The following PPIP5K2 variants were observed in gnomAD, a reference collection of about 807,000 sequenced individuals.
PPIP5K2 encodes the protein inositol hexakisphosphate and diphosphoinositol-pentakisphosphate kinase 2.
In PPIP5K2, 105 loss-of-function variants were observed where a neutral mutation model predicts 154.6. The observed-to-expected ratio is 0.68, with a 90% CI of 0.58 to 0.80. The LOEUF is 0.80. Among genes scored for constraint, PPIP5K2 ranks in the 30% least tolerant of loss-of-function variants. The pLI is 0.00. For synonymous variants in PPIP5K2, 480 were observed against 490.3 expected (o/e 0.98, Z 0.28); for missense variants, 992 against 1,504.6 (o/e 0.66, Z 5.64).
rs1320124924 is a variant in PPIP5K2, at chr5:103,211,140, G to A, written c.*9506G>A. On this transcript the variant is annotated 3_prime_UTR_variant, in exon 31 of 31. Coordinates refer to ENST00000358359, the MANE Select transcript of PPIP5K2 (RefSeq NM_001276277.3). ...ATCTGTAAAGTGAGATCTGGGTTCTGACCTATCTCTTACAGTCCATAATGT... is the reference window on the plus strand; with the variant it reads ...ATCTGTAAAGTGAGATCTGGGTTCTAACCTATCTCTTACAGTCCATAATGT... The A allele has an allele frequency of 6.6e-6, 1 of 152,004 alleles. No individual in the cohort carries two copies. Among genetic ancestry groups the A allele is most frequent in the Admixed American group, 6.6e-5 (1 of 15,260 alleles). The allele number at this position is 152,004 out of a possible 1,614,324, so 9.4% of individuals were successfully genotyped here. A position where few individuals can be genotyped will look rare whatever the true frequency, so the allele number is the denominator to read the frequency against.
intron 30 of PPIP5K2, 128 bp downstream of exon 30, chr5:103,195,153 G>C: frequency 8.4e-7 from 1 of 1,184,130 alleles, no homozygotes; most frequent in Non-Finnish European, 1.1e-6. Context: ...TGATCCTAAG[G>C]GTTAAAAATC....
rs543975248 is a variant in PPIP5K2, at chr5:103,161,604, C to T, written c.1920+2276C>T. 6.6e-5 allele frequency among the ~76,000 whole-genome samples: 10 copies of T among 152,302 alleles called. No individual in the cohort carries two copies. In the East Asian group the frequency reaches 1.7e-3, roughly 26 times the overall value. On this transcript the variant is annotated intron_variant, in intron 17 of 30. Coordinates refer to ENST00000358359, the MANE Select transcript of PPIP5K2 (RefSeq NM_001276277.3). ...GTGTAAAAGTGTTCCTATTTCTCCA[C>T]ATCCTCTCCAGCACCTGTTGTTTCC...
Position 103,201,689 on chromosome 5 carries a change from T to C in PPIP5K2, c.*55T>C. 8.2e-7 allele frequency: 1 copy of C among 1,219,018 alleles called. No homozygotes were observed. The highest frequency in any genetic ancestry group is 1.2e-6 in the Non-Finnish European group (1 of 863,934). The allele number at this position is 1,219,018 out of a possible 1,614,324, so 75.5% of individuals were successfully genotyped here. ...CTTATAAAAATAGTATGTTCTTATG[T>C]TTCTCCTTATGCATTTATGTGTTCA... is the stretch of plus-strand genomic sequence containing the variant. On this transcript the variant is annotated 3_prime_UTR_variant, in exon 31 of 31. Coordinates refer to ENST00000358359, the MANE Select transcript of PPIP5K2 (RefSeq NM_001276277.3).
chr5:103,183,448 AT>A, intron 25 of PPIP5K2, 41 bp downstream of exon 25: 1 of 1,529,736 alleles, frequency 6.5e-7, no homozygotes, highest in South Asian at 1.2e-5. Flanking sequence ...TCCTCCCTGC[AT>A]TCAGAGCAAC....
chr5:103,122,567 CT>C (rs542085341), intron 1 of PPIP5K2, among the ~76,000 whole-genome samples: 8 of 152,116 alleles, frequency 5.3e-5, no homozygotes, highest in Non-Finnish European at 1.0e-4. Context: ...GCCAGGTTGC[CT>C]TTGCCAGCCT....
Position 103,177,945 on chromosome 5 carries a change from C to A in PPIP5K2, c.2719C>A (p.Pro907Thr). ...AGGTTGTGAAGAAGACAAAAATTTG[C>A]CATCTGGCTATGGATATAGACCAGC... ...AKGCEEDKNL[P>T]SGYGYRPASR... Residue 907 changes from proline (P) to threonine (T), a missense_variant, in exon 23 of 31, where the codon CCA becomes ACA. Coordinates refer to ENST00000358359, the MANE Select transcript of PPIP5K2 (RefSeq NM_001276277.3). The A allele has an allele frequency of 1.2e-6, 2 of 1,612,184 alleles. No individual in the cohort carries two copies. The highest frequency in any genetic ancestry group is 1.7e-6 in the Non-Finnish European group (2 of 1,178,422).
chr5:103,189,772 C>A (rs1800939508), intron 28 of PPIP5K2, among the ~76,000 whole-genome samples: 2 of 151,954 alleles, frequency 1.3e-5, no homozygotes. Context: ...GTTCTTGGGT[C>A]AATATTTCCT....
rs1554209294 is a variant in PPIP5K2 at position 103,146,692 on chromosome 5, T to C, written c.642+11T>C. 1 of 1,591,376 alleles carries C rather than the reference T, an allele frequency of 6.3e-7. No homozygotes were observed. The highest frequency in any genetic ancestry group is 8.6e-7 in the Non-Finnish European group (1 of 1,168,348). On this transcript the variant is annotated intron_variant, in intron 6 of 30. Transcript: ENST00000358359. Reference sequence around the variant, plus strand: ...AGACTCTTTAGAAAGGTAACACCTTTGTAACTTTTGTATGAATACTCTTCT... The same window carrying C: ...AGACTCTTTAGAAAGGTAACACCTTCGTAACTTTTGTATGAATACTCTTCT...
chr5:103,158,889 G>A lies in PPIP5K2; in HGVS notation c.1738-257G>A, dbSNP rs74356258. 3.3e-3 allele frequency among the ~76,000 whole-genome samples: 502 copies of A among 152,070 alleles called. 15 individuals are homozygous for A. The East Asian group carries it at 0.055, about 17-fold the overall frequency. ...GGCTGCAATGAGCCAAAATCACACC[G>A]CTGCACTCTACCGCAGGCAACAGTG... On this transcript the variant is annotated intron_variant, in intron 16 of 30. Coordinates refer to ENST00000358359, the MANE Select transcript of PPIP5K2 (RefSeq NM_001276277.3).
intron 27 of PPIP5K2, among the ~76,000 whole-genome samples, chr5:103,186,722 T>C (rs1283621937): frequency 6.6e-6 from 1 of 152,214 alleles, no homozygotes; most frequent in Non-Finnish European, 1.5e-5. Context: ...TTGATTATAT[T>C]ATAAAGAGCA....
At chr5:103,133,252 G>A (rs1195642202) in intron 2 of PPIP5K2, among the ~76,000 whole-genome samples, 1 of 152,100 alleles carries the variant, frequency 6.6e-6, no homozygotes, top group Non-Finnish European at 1.5e-5. Flanking sequence ...TTTTAAATTT[G>A]TTTCCAGACT....
rs1380632029 is a variant in PPIP5K2, at chr5:103,202,609, T to C, written c.*975T>C. The stretch of plus-strand genomic sequence containing the variant: ...ACTAAGAAAGCTTAAAGATTGAGCA[T>C]TTGAAATAAATGCTCTTTATAAATG... On this transcript the variant is annotated 3_prime_UTR_variant, in exon 31 of 31. Transcript: ENST00000358359. The C allele has an allele frequency of 6.6e-6, 1 of 152,192 alleles. No individual in the cohort carries two copies. The highest frequency in any genetic ancestry group is 1.5e-5 in the Non-Finnish European group (1 of 68,012). The allele number at this position is 152,192 out of a possible 1,614,324, so 9.4% of individuals were successfully genotyped here.
chr5:103,138,277 C>A, intron 4 of PPIP5K2, 107 bp from the exon 5 acceptor site: 1 of 523,336 alleles, frequency 1.9e-6, no homozygotes, highest in Non-Finnish European at 3.2e-6. Flanking sequence ...AGATATATAC[C>A]CTTTTTAGTT....
rs112146279 is a variant in PPIP5K2, at chr5:103,123,827, G to T, written c.-285+3339G>T. On this transcript the variant is annotated intron_variant, in intron 1 of 30. Coordinates refer to ENST00000358359, the MANE Select transcript of PPIP5K2 (RefSeq NM_001276277.3). ...AATAATGTATGTATCTTTATGCCCAGACAGTTAGCATATGTTGAAATTAAT... is the reference window on the plus strand; with the variant it reads ...AATAATGTATGTATCTTTATGCCCATACAGTTAGCATATGTTGAAATTAAT... 4.6e-5 allele frequency among the ~76,000 whole-genome samples: 7 copies of T among 152,264 alleles called. No individual in the cohort carries two copies. The South Asian group carries it at 1.4e-3, about 31-fold the overall frequency.
At chr5:103,183,087 T>TA (rs1799785507) in intron 24 of PPIP5K2, 147 bp from the exon 25 acceptor site, 7 of 769,816 alleles carry the variant, frequency 9.1e-6, no homozygotes, top group Non-Finnish European at 1.3e-5. Flanking sequence ...AATGGTTTTT[T>TA]AAAAAAATTA....
intron 10 of PPIP5K2, 35 bp from the exon 11 acceptor site, chr5:103,153,813 A>C: frequency 1.4e-6 from 2 of 1,432,062 alleles, no homozygotes; most frequent in Non-Finnish European, 1.9e-6. Context: ...AATCTTTTTT[A>C]GAGAATTAAG....
At position 103,189,837 on chromosome 5, in the gene PPIP5K2, T is replaced by C. The variant is rs1800952224; in HGVS notation, c.3353-1005T>C. Among the ~76,000 whole-genome samples the C allele has an allele frequency of 2.6e-5, 4 of 152,200 alleles. No homozygotes were observed. In the South Asian group the frequency reaches 8.3e-4, roughly 32 times the overall value. On this transcript the variant is annotated intron_variant, in intron 28 of 30. Transcript: ENST00000358359. Reference sequence around the variant, plus strand: ...AATTTAAAAATGAGCACACGCCTATTGAAGCAGAATGTTGCAGTCTGAGGT... The same window carrying C: ...AATTTAAAAATGAGCACACGCCTATCGAAGCAGAATGTTGCAGTCTGAGGT...
intron 5 of PPIP5K2, among the ~76,000 whole-genome samples, chr5:103,142,306 G>T (rs1468916085): frequency 6.6e-6 from 1 of 152,196 alleles, no homozygotes; most frequent in Non-Finnish European, 1.5e-5. Context: ...CCAGGGCCAG[G>T]CTGGCCGGCT....
In PPIP5K2 at chr5:103,205,155, G is replaced by T. The variant is rs530439145; in HGVS notation, c.*3521G>T. On this transcript the variant is annotated 3_prime_UTR_variant, in exon 31 of 31. Coordinates refer to ENST00000358359, the MANE Select transcript of PPIP5K2 (RefSeq NM_001276277.3). ...AGTTTGCTGAGAATGATGGTTTCCA[G>T]CTTCATCCATGTCCTTGTCATCCTT... 1 of 152,218 alleles carries T rather than the reference G, an allele frequency of 6.6e-6. No individual in the cohort carries two copies. Among genetic ancestry groups the T allele is most frequent in the Admixed American group, 6.5e-5 (1 of 15,290 alleles). The allele number at this position is 152,218 out of a possible 1,614,324, so 9.4% of individuals were successfully genotyped here.
Sources: allele counts gnomAD v4.1 joint callset (sites outside exome capture counted in the v4.1 genomes callset), GRCh38; gene constraint gnomAD v4.1.1; transcripts MANE v1.5; gene names NCBI Gene and HGNC (gene_info 2026-07-23, HGNC 2026-07-21).